Variants in BCLAF1 observed in about 807,000 individuals in gnomAD.
BCLAF1 encodes BCL2 associated transcription factor 1, also known as bcl-2-associated transcription factor 1.
Under a neutral mutation model 99.5 loss-of-function variants are expected in BCLAF1, and 10 were observed. The ratio of observed to expected loss-of-function variants is 0.10; its 90% CI spans 0.06 to 0.17. The LOEUF is 0.17. Among genes scored for constraint, BCLAF1 ranks in the 10% least tolerant of loss-of-function variants. The pLI is 1.00. For synonymous variants in BCLAF1, 255 were observed against 370.9 expected (o/e 0.69, Z 3.59); for missense variants, 636 against 1,105.8 (o/e 0.58, Z 6.02).
At chr6:136,276,687 G>T (rs1783463853) in intron 4 of BCLAF1, among the ~76,000 whole-genome samples, 179 bp from the exon 5 acceptor site, 1 of 152,124 alleles carries the variant, frequency 6.6e-6, no homozygotes, top group African/African-American at 2.4e-5. Flanking sequence ...TAGAACTTAT[G>T]TACTGACTTT....
intron 4 of BCLAF1, among the ~76,000 whole-genome samples, chr6:136,276,722 T>C (rs1783474756): frequency 3.9e-5 from 6 of 152,232 alleles, no homozygotes; most frequent in Admixed American, 3.9e-4. Context: ...ATTTGACTTC[T>C]GAAGTTTAAA....
rs768937275 is a variant in BCLAF1, at chr6:136,273,123, A to C, written c.1917T>G (p.Thr639=). 1 of 1,612,236 alleles carries C rather than the reference A, an allele frequency of 6.2e-7. No individual in the cohort carries two copies. ...NERFTSYQKA[T]EEHSTRQKSP... is the part of the protein sequence containing the mutation. Reference sequence around the variant, plus strand: ...TCTTTTGCCGAGTACTATGTTCTTCAGTGGCTTTCTGATACGAAGTGAACC... The same window carrying C: ...TCTTTTGCCGAGTACTATGTTCTTCCGTGGCTTTCTGATACGAAGTGAACC... The change falls in exon 7 of 13, where the codon ACT becomes ACG. Residue 639 remains threonine, a synonymous_variant. Coordinates refer to ENST00000531224, the MANE Select transcript of BCLAF1 (RefSeq NM_014739.3).
rs542776418 is a variant in BCLAF1 at position 136,289,113 on chromosome 6, GC to G, written c.-115+599del. Among the ~76,000 whole-genome samples the G allele has an allele frequency of 2.3e-3, 350 of 152,344 alleles. 1 individual carries two copies. The highest frequency in any genetic ancestry group is 8.0e-3 in the African/African-American group (332 of 41,576). ...CAGAACAGAGCACTAAAACCTAGTAGCATCACAAAAACGAGGCATTAACTGA... is the reference window on the plus strand; with the variant it reads ...CAGAACAGAGCACTAAAACCTAGTAGATCACAAAAACGAGGCATTAACTGA... On this transcript the variant is annotated intron_variant, in intron 1 of 12. Transcript: ENST00000531224.
chr6:136,275,717 A>AAC lies in BCLAF1; in HGVS notation c.1683-18_1683-17dup, dbSNP rs61710271. The AAC allele has an allele frequency of 5.3e-4, 826 of 1,570,944 alleles. 1 individual carries two copies. Among genetic ancestry groups the AAC allele is most frequent in the South Asian group, 4.4e-3 (366 of 83,092 alleles). On this transcript the variant is annotated splice_polypyrimidine_tract_variant and intron_variant, in intron 5 of 12. Transcript: ENST00000531224. ...GGAAGCAGGTCTGGAACATATTGAT[A>AAC]ACACACACACACACAAAATATACCA...
intron 11 of BCLAF1, among the ~76,000 whole-genome samples, chr6:136,264,869 C>G (rs1275375023): frequency 1.3e-5 from 2 of 151,986 alleles, no homozygotes; most frequent in Admixed American, 6.6e-5. Flanking sequence ...AAATATAACC[C>G]AGAAAAGCAA....
chr6:136,278,021 G>T lies in BCLAF1; in HGVS notation c.860C>A (p.Ser287Tyr). 6.2e-7 allele frequency: 1 copy of T among 1,600,798 alleles called. No homozygotes were observed. Among genetic ancestry groups the T allele is most frequent in the Non-Finnish European group, 8.5e-7 (1 of 1,172,220 alleles). ...VGNGSSRYSP[S>Y]QNSPIHHIPS... ...GATGTGATGAATTGGACTATTCTGA[G>T]AAGGACTGTATCGACTAGATCCATT... The change falls in exon 4 of 13, where the codon TCT (serine) becomes TAT (tyrosine). Residue 287 changes from serine to tyrosine, a missense_variant. Physicochemically the swap from Ser to Tyr is moderately radical, Grantham distance 144. Coordinates refer to ENST00000531224, the MANE Select transcript of BCLAF1 (RefSeq NM_014739.3).
chr6:136,261,773 GTTTTT>G (rs1311169327), intron 11 of BCLAF1, among the ~76,000 whole-genome samples: 1 of 151,916 alleles, frequency 6.6e-6, no homozygotes, highest in Non-Finnish European at 1.5e-5. Flanking sequence ...CCTGAGTTTT[GTTTTT>G]TTATTATGTC....
chr6:136,283,178 CAAAAAAAAAAAA>C (rs1173234336), intron 1 of BCLAF1, among the ~76,000 whole-genome samples: 2 of 52,038 alleles, frequency 3.8e-5, no homozygotes, highest in South Asian at 9.5e-4. Context: ...GACCCCATCT[CAAAAAAAAAAAA>C]AAAAAAAAAA....
Position 136,276,109 on chromosome 6 carries a change from G to A in BCLAF1, c.1416C>T (p.Ser472=). Residue 472 remains serine, a synonymous_variant, in exon 5 of 13, where the codon AGC becomes AGT. Coordinates refer to ENST00000531224, the MANE Select transcript of BCLAF1 (RefSeq NM_014739.3). ...KETGYVVERP[S]TTKDKHKEED... Reference sequence around the variant, plus strand: ...CTTCTTTGTGCTTATCTTTTGTAGTGCTAGGCCTTTCCACTACATATCCAG... The same window carrying A: ...CTTCTTTGTGCTTATCTTTTGTAGTACTAGGCCTTTCCACTACATATCCAG... 1 of 1,612,246 alleles carries A rather than the reference G, an allele frequency of 6.2e-7. No individual in the cohort carries two copies. The highest frequency in any genetic ancestry group is 8.5e-7 in the Non-Finnish European group (1 of 1,179,654).
intron 2 of BCLAF1, among the ~76,000 whole-genome samples, chr6:136,280,134 TA>T (rs1784175241): frequency 6.6e-6 from 1 of 152,084 alleles, no homozygotes; most frequent in African/African-American, 2.4e-5. Flanking sequence ...GCCTCAATCC[TA>T]AAAGGCAGCA....
rs1486597621 is a variant in BCLAF1 at position 136,256,789 on chromosome 6, T to C, written c.*4321A>G. 2 of 152,646 alleles carry C rather than the reference T, an allele frequency of 1.3e-5. 1 individual carries two copies. Among genetic ancestry groups the C allele is most frequent in the Non-Finnish European group, 2.9e-5 (2 of 68,392 alleles). 9.5% of individuals were successfully genotyped at this position (152,646 alleles called of 1,614,324 possible). On this transcript the variant is annotated 3_prime_UTR_variant, in exon 13 of 13. Coordinates refer to ENST00000531224, the MANE Select transcript of BCLAF1 (RefSeq NM_014739.3). ...ACTCAACAGAAAGTTTAGTTTTCCC[T>C]TCTAGTACAAATGAGACTGAAAAAT...
At chr6:136,273,435 AAG>A in intron 6 of BCLAF1, 1 of 380,742 alleles carries the variant, frequency 2.6e-6, no homozygotes, top group South Asian at 3.5e-5. Flanking sequence ...AGATTAAATC[AAG>A]AGTCTCTAAT....
At chr6:136,280,964 C>G (rs984574884) in intron 2 of BCLAF1, among the ~76,000 whole-genome samples, 2 of 152,152 alleles carry the variant, frequency 1.3e-5, no homozygotes, top group African/African-American at 4.8e-5. Flanking sequence ...GTATCTCCTA[C>G]AACCAAGTAT....
At chr6:136,273,367 T>C in intron 6 of BCLAF1, 180 bp from the exon 7 acceptor site, 1 of 550,612 alleles carries the variant, frequency 1.8e-6, no homozygotes, top group Admixed American at 3.5e-5. Context: ...CAGGAGAGTG[T>C]TTCGAAAGTT....
chr6:136,269,382 A>G, intron 9 of BCLAF1, 55 bp downstream of exon 9: 1 of 1,580,182 alleles, frequency 6.3e-7, no homozygotes, highest in South Asian at 1.2e-5. Context: ...TAAGCTGACA[A>G]TTATTAAAGG....
Position 136,260,240 on chromosome 6 carries a change from C to A in BCLAF1, c.*870G>T, listed in dbSNP as rs1305332928. 4 of 151,940 alleles carry A rather than the reference C, an allele frequency of 2.6e-5. No homozygotes were observed. Among genetic ancestry groups the A allele is most frequent in the Non-Finnish European group, 5.9e-5 (4 of 67,858 alleles). The allele number at this position is 151,940 out of a possible 1,614,324, so 9.4% of individuals were successfully genotyped here. On this transcript the variant is annotated 3_prime_UTR_variant, in exon 13 of 13. Transcript: ENST00000531224. ...TTCTGCAGGATAGACCTCCTACATA[C>A]CAACCCCAGGATTACAGTTTTTCTT...
At chr6:136,278,817 T>C (rs1186540537) in intron 3 of BCLAF1, 41 bp from the exon 4 acceptor site, 4 of 1,449,340 alleles carry the variant, frequency 2.8e-6, no homozygotes, top group Non-Finnish European at 2.7e-6. Flanking sequence ...AAATAAAGTA[T>C]TCCATGCTAC....
rs1780873814 is a variant in BCLAF1 at position 136,260,878 on chromosome 6, T to G, written c.*232A>C. 1 of 493,658 alleles carries G rather than the reference T, an allele frequency of 2.0e-6. No individual in the cohort carries two copies. The highest frequency in any genetic ancestry group is 3.9e-5 in the Admixed American group (1 of 25,742). The allele number at this position is 493,658 out of a possible 1,614,324, so 30.6% of individuals were successfully genotyped here. On this transcript the variant is annotated 3_prime_UTR_variant, in exon 13 of 13. Transcript: ENST00000531224. ...ACAAAAACGTTAAAAGTTTTAAAAG[T>G]TGATAGTTACAAATATGGTACGTAA...
chr6:136,270,076 C>G (rs1459713136), intron 8 of BCLAF1: 1 of 151,660 alleles, frequency 6.6e-6, no homozygotes, highest in Non-Finnish European at 1.5e-5. Context: ...ACTTAAGCCT[C>G]ATTATGATCA....
Sources: allele counts gnomAD v4.1 joint callset (sites outside exome capture counted in the v4.1 genomes callset), GRCh38; gene constraint gnomAD v4.1.1; transcripts MANE v1.5; gene names NCBI Gene and HGNC (gene_info 2026-07-23, HGNC 2026-07-21).